The following ATP11C variants were observed in gnomAD, a reference collection of about 807,000 sequenced individuals.
ATP11C encodes the protein ATPase phospholipid transporting 11C (ATP11C blood group), also known as phospholipid-transporting ATPase IG.
Under a neutral mutation model 97.4 loss-of-function variants are expected in ATP11C, and 36 were observed. That is an observed-to-expected ratio of 0.37 (90% confidence interval 0.28 to 0.49). ATP11C has a LOEUF of 0.49. Among genes scored for constraint, ATP11C ranks in the 20% least tolerant of loss-of-function variants. The pLI is 0.98. For missense variants in ATP11C, 730 were observed against 824.6 expected, an observed-to-expected ratio of 0.89 and a Z score of 1.40; for synonymous variants, 275 against 290.9, an observed-to-expected ratio of 0.95 and a Z score of 0.56.
intron 22 of ATP11C, among the ~76,000 whole-genome samples, chrX:139,758,933 T>C (rs2081987260): frequency 8.9e-6 from 1 of 112,183 alleles, no homozygotes; most frequent in Non-Finnish European, 1.9e-5. Flanking sequence ...TTTCGATCAA[T>C]GTACTACTGG....
intron 1 of ATP11C, among the ~76,000 whole-genome samples, chrX:139,889,118 T>G (rs2084690793): frequency 9.0e-6 from 1 of 111,627 alleles, no homozygotes; most frequent in African/African-American, 3.3e-5. Context: ...TGAACACAAA[T>G]ATTTACAGCA....
intron 1 of ATP11C, among the ~76,000 whole-genome samples, chrX:139,862,545 C>T (rs946834970): frequency 1.8e-5 from 2 of 111,921 alleles, no homozygotes; most frequent in Non-Finnish European, 3.8e-5. Context: ...CATTTTGTCA[C>T]GGAAGTCTTC....
At chrX:139,770,621 G>A (rs769065389) in intron 19 of ATP11C, among the ~76,000 whole-genome samples, 1 of 110,420 alleles carries the variant, frequency 9.1e-6, no homozygotes, top group Non-Finnish European at 1.9e-5. Flanking sequence ...GAGAATGGGG[G>A]TATGAATATG....
At chrX:139,829,232 TG>T (rs200720603) in intron 1 of ATP11C, among the ~76,000 whole-genome samples, 1,125 of 111,722 alleles carry the variant, frequency 0.01, 10 homozygotes, top group Non-Finnish European at 0.015. Flanking sequence ...GGTTGAGACG[TG>T]CCTGAGACTG....
At chrX:139,745,674 C>G (rs769828730) in intron 25 of ATP11C, 48 bp downstream of exon 25, 10 of 1,161,811 alleles carry the variant, frequency 8.6e-6, no homozygotes, top group Non-Finnish European at 1.2e-5. Context: ...GGGAAAAAGA[C>G]AAGCCATGCT....
intron 12 of ATP11C, among the ~76,000 whole-genome samples, chrX:139,794,629 T>A (rs2082757075): frequency 9.0e-6 from 1 of 111,572 alleles, no homozygotes; most frequent in African/African-American, 3.3e-5. Flanking sequence ...ATTTACTAGA[T>A]CATTACCCAA....
chrX:139,744,475 T>C (rs1311027844), intron 25 of ATP11C, among the ~76,000 whole-genome samples: 1 of 111,989 alleles, frequency 8.9e-6, no homozygotes, highest in Admixed American at 9.5e-5. Context: ...ATGCACCACC[T>C]GGAAAGTTTG....
intron 1 of ATP11C, among the ~76,000 whole-genome samples, chrX:139,830,168 T>C (rs2147892349): frequency 8.9e-6 from 1 of 112,090 alleles, no homozygotes; most frequent in African/African-American, 3.2e-5. Flanking sequence ...CTTTGACTCT[T>C]AATCCTGGTC....
chrX:139,901,665 T>C (rs139936662), intron 1 of ATP11C, among the ~76,000 whole-genome samples: 116 of 111,326 alleles, frequency 1.0e-3, no homozygotes, highest in Non-Finnish European at 1.9e-3. Context: ...ATATAGAAGA[T>C]ATTGTATAGA....
intron 1 of ATP11C, among the ~76,000 whole-genome samples, chrX:139,930,516 C>A (rs1425618492): frequency 9.0e-6 from 1 of 111,356 alleles, no homozygotes; most frequent in Admixed American, 9.6e-5. Flanking sequence ...CTTTTTGTCA[C>A]CCCCACGCAA....
intron 29 of ATP11C, among the ~76,000 whole-genome samples, chrX:139,729,981 G>A: frequency 9.0e-6 from 1 of 110,980 alleles, no homozygotes; most frequent in Admixed American, 9.6e-5. Flanking sequence ...ACCAAAATAA[G>A]GTTGCCATTC....
At chrX:139,825,182 G>A (rs955358843) in intron 2 of ATP11C, among the ~76,000 whole-genome samples, 15 of 110,966 alleles carry the variant, frequency 1.4e-4, no homozygotes, top group African/African-American at 4.9e-4. Flanking sequence ...CAAGCACAAT[G>A]CAAGAGGAGA....
At chrX:139,831,484 T>A (rs769407867) in intron 1 of ATP11C, among the ~76,000 whole-genome samples, 5 of 110,869 alleles carry the variant, frequency 4.5e-5, no homozygotes, top group African/African-American at 1.6e-4. Context: ...AAGCTCAGAG[T>A]GGACCTTTCA....
intron 1 of ATP11C, among the ~76,000 whole-genome samples, chrX:139,909,473 G>C (rs2085034420): frequency 9.0e-6 from 1 of 110,728 alleles, no homozygotes; most frequent in Non-Finnish European, 1.9e-5. Context: ...TCTGTATCTG[G>C]TCTGTGATGT....
At chrX:139,741,181 G>A (rs1048583326) in intron 26 of ATP11C, 87 bp from the exon 27 acceptor site, 1 of 557,877 alleles carries the variant, frequency 1.8e-6, no homozygotes, top group Non-Finnish European at 3.1e-6. Flanking sequence ...AGTACACAAT[G>A]ATACCTATGA....
At chrX:139,819,756 G>A (rs2083364228) in intron 2 of ATP11C, among the ~76,000 whole-genome samples, 1 of 112,225 alleles carries the variant, frequency 8.9e-6, no homozygotes, top group Non-Finnish European at 1.9e-5. Context: ...TTATTATAGT[G>A]AGTTATATAT....
At position 139,932,062 on chromosome X, in the gene ATP11C, C is replaced by T. The variant is rs1304329165; in HGVS notation, c.-20G>A. On this transcript the variant is annotated 5_prime_UTR_variant, in exon 1 of 30. Coordinates refer to ENST00000682941, the MANE Select transcript of ATP11C (RefSeq NM_001353812.2). ...GAACATCGCGTCGAAGGCTGCCGGG[C>T]GCTGAGCTGGGCTCTACCGGGCTGT... The T allele has an allele frequency of 1.7e-6, 2 of 1,159,262 alleles. No individual in the cohort carries two copies. Among genetic ancestry groups the T allele is most frequent in the Non-Finnish European group, 2.3e-6 (2 of 868,101 alleles).
At chrX:139,768,764 G>T (rs906164139) in intron 19 of ATP11C, among the ~76,000 whole-genome samples, 1 of 109,748 alleles carries the variant, frequency 9.1e-6, no homozygotes, top group African/African-American at 3.3e-5. Context: ...AAGTCCACAA[G>T]CAGTTGATTT....
chrX:139,866,694 G>A (rs1261890693), intron 1 of ATP11C, among the ~76,000 whole-genome samples: 1 of 109,558 alleles, frequency 9.1e-6, no homozygotes, highest in African/African-American at 3.3e-5. Flanking sequence ...ACTCTAGCAT[G>A]GGTGACAGAA....
Sources: gnomAD v4.1 joint callset for allele counts (sites outside exome capture counted in the v4.1 genomes callset) on GRCh38, gnomAD v4.1.1 for gene constraint, MANE v1.5 for transcripts, NCBI Gene and HGNC (gene_info 2026-07-23, HGNC 2026-07-21) for gene names.